Variants in PARD6G observed in about 807,000 individuals in gnomAD.
PARD6G encodes par-6 family cell polarity regulator gamma.
In PARD6G, 7 loss-of-function variants were observed where a neutral mutation model predicts 10.7. The observed-to-expected ratio is 0.66, with a 90% CI of 0.37 to 1.23. The LOEUF (loss-of-function observed/expected upper bound fraction) is 1.23. Among genes scored for constraint, PARD6G ranks in the 50% most tolerant of loss-of-function variants. PARD6G has a pLI of 0.02. For missense variants in PARD6G, 548 were observed against 571.8 expected (o/e 0.96, Z 0.42); for synonymous variants, 287 against 269.4 (o/e 1.07, Z -0.64).
intron 2 of PARD6G, among the ~76,000 whole-genome samples, chr18:80,176,894 C>T (rs1207515968): frequency 3.3e-5 from 5 of 151,826 alleles, no homozygotes; most frequent in African/African-American, 9.7e-5. Flanking sequence ...ATGGGAAGCA[C>T]GCACACACAC....
chr18:80,160,722 A>AC, intron 2 of PARD6G, 116 bp from the exon 3 acceptor site: 1 of 1,394,992 alleles, frequency 7.2e-7, no homozygotes, highest in Admixed American at 3.3e-5. Flanking sequence ...CCCAGGGTGC[A>AC]CAGGAGCATT....
rs144701192 is a variant in PARD6G at position 80,188,852 on chromosome 18, T to C, written c.295+13858A>G. ...TTGCGGGGAAGTCAGGCGGGTGCAATCCCTACCGTTTCCCCACGTTCGTGA... is the reference window on the plus strand; with the variant it reads ...TTGCGGGGAAGTCAGGCGGGTGCAACCCCTACCGTTTCCCCACGTTCGTGA... On this transcript the variant is annotated intron_variant, in intron 2 of 2. Coordinates refer to ENST00000353265, the MANE Select transcript of PARD6G (RefSeq NM_032510.4). This position sits in a 1 kb window ranked among gnomAD's most constrained non-coding sequence, Gnocchi z 5.4. Among the ~76,000 whole-genome samples, 1 of 152,150 alleles carries C rather than the reference T, an allele frequency of 6.6e-6. No individual in the cohort carries two copies. Among genetic ancestry groups the C allele is most frequent in the Non-Finnish European group, 1.5e-5 (1 of 68,000 alleles).
rs1340382847 is a variant in PARD6G at position 80,184,989 on chromosome 18, C to T, written c.295+17721G>A. 2 of 152,220 alleles carry T rather than the reference C, an allele frequency of 1.3e-5. No individual in the cohort carries two copies. Among genetic ancestry groups the T allele is most frequent in the African/African-American group, 2.4e-5 (1 of 41,458 alleles). 9.4% of individuals were successfully genotyped at this position (152,220 alleles called of 1,614,324 possible). ...TCCTTCCAGCTTTGCGGGAACCTAA[C>T]TGCTAGTCCCATGAACTTACCCTCC... On this transcript the variant is annotated intron_variant, in intron 2 of 2. Transcript: ENST00000353265. The surrounding 1 kb of genome is among the most constrained non-coding windows in gnomAD (Gnocchi z 4.5).
chr18:80,167,601 G>A (rs1433170863), intron 2 of PARD6G, among the ~76,000 whole-genome samples: 1 of 152,086 alleles, frequency 6.6e-6, no homozygotes, highest in Non-Finnish European at 1.5e-5. Context: ...AGAGGGTGGA[G>A]CTGGGGCCAT....
intron 1 of PARD6G, among the ~76,000 whole-genome samples, chr18:80,227,691 A>G (rs895807414): frequency 6.6e-6 from 1 of 152,244 alleles, no homozygotes; most frequent in African/African-American, 2.4e-5. Flanking sequence ...CAAGGCAGGC[A>G]CTGCGTCTGT....
At chr18:80,179,829 C>A (rs550787958) in intron 2 of PARD6G, among the ~76,000 whole-genome samples, 1 of 152,356 alleles carries the variant, frequency 6.6e-6, no homozygotes, top group East Asian at 1.9e-4. Context: ...TTATCAAAAG[C>A]AAATGGTTTG....
intron 1 of PARD6G, among the ~76,000 whole-genome samples, chr18:80,230,006 G>C (rs1319820717): frequency 6.6e-6 from 1 of 152,214 alleles, no homozygotes; most frequent in Non-Finnish European, 1.5e-5. Context: ...GTGGGTCATA[G>C]GGTCACAGTG....
At chr18:80,239,207 C>A (rs993070178) in intron 1 of PARD6G, among the ~76,000 whole-genome samples, 1 of 152,020 alleles carries the variant, frequency 6.6e-6, no homozygotes, top group Non-Finnish European at 1.5e-5. Context: ...AACATGGGAG[C>A]AGCAGGGAGA....
intron 2 of PARD6G, chr18:80,162,228 T>C (rs1340508865): frequency 6.6e-6 from 1 of 152,212 alleles, no homozygotes; most frequent in Non-Finnish European, 1.5e-5. Context: ...TATTACCCAC[T>C]GACACAGTAA....
rs138809256 is a variant in PARD6G, at chr18:80,200,476, G to A, written c.295+2234C>T. Among the ~76,000 whole-genome samples, 3 of 152,312 alleles carry A rather than the reference G, an allele frequency of 2.0e-5. No homozygotes were observed. Among genetic ancestry groups the A allele is most frequent in the African/African-American group, 7.2e-5 (3 of 41,572 alleles). On this transcript the variant is annotated intron_variant, in intron 2 of 2. Coordinates refer to ENST00000353265, the MANE Select transcript of PARD6G (RefSeq NM_032510.4). This position sits in a 1 kb window ranked among gnomAD's most constrained non-coding sequence, Gnocchi z 4.4. ...CCCAGAGACAGGCACTACCACCCGT[G>A]CCACAGATGAGGACGGTAGAGCTCT... is the stretch of plus-strand genomic sequence containing the variant.
In PARD6G at chr18:80,184,552, C is replaced by A. The variant is rs1398229770; in HGVS notation, c.295+18158G>T. On this transcript the variant is annotated intron_variant, in intron 2 of 2. Coordinates refer to ENST00000353265, the MANE Select transcript of PARD6G (RefSeq NM_032510.4). The surrounding 1 kb of genome is among the most constrained non-coding windows in gnomAD (Gnocchi z 4.5). ...CGCAGCGGGAGCAAGGCAGTGAAAC[C>A]CTCAGAGGGAGCAAGGCCGTGAAAC... 1 of 151,646 alleles carries A rather than the reference C, an allele frequency of 6.6e-6. No individual in the cohort carries two copies. The highest frequency in any genetic ancestry group is 2.4e-5 in the African/African-American group (1 of 40,970). The allele number at this position is 151,646 out of a possible 1,614,324, so 9.4% of individuals were successfully genotyped here. A position where few individuals can be genotyped will look rare whatever the true frequency, so the allele number is the denominator to read the frequency against.
chr18:80,245,110 C>T (rs1157503369), intron 1 of PARD6G, among the ~76,000 whole-genome samples: 1 of 152,204 alleles, frequency 6.6e-6, no homozygotes, highest in African/African-American at 2.4e-5. Flanking sequence ...GGCAGCACCC[C>T]TTCTTTGCCA....
chr18:80,215,088 A>G (rs1038933743), intron 1 of PARD6G, among the ~76,000 whole-genome samples: 1 of 152,126 alleles, frequency 6.6e-6, no homozygotes, highest in African/African-American at 2.4e-5. Flanking sequence ...AGTTTGGGGA[A>G]GGCAGTGGGG....
chr18:80,208,487 C>A (rs1318789013), intron 1 of PARD6G, among the ~76,000 whole-genome samples: 1 of 152,186 alleles, frequency 6.6e-6, no homozygotes, highest in Admixed American at 6.5e-5. Flanking sequence ...AGGACGGCTG[C>A]TTCAACATCT....
chr18:80,202,647 G>GA, intron 2 of PARD6G, 63 bp downstream of exon 2: 1 of 1,441,172 alleles, frequency 6.9e-7, no homozygotes, highest in Non-Finnish European at 9.7e-7. Flanking sequence ...AGAAAAAATT[G>GA]AAAACTGTAT....
chr18:80,232,599 T>G (rs1967372166), intron 1 of PARD6G, among the ~76,000 whole-genome samples: 1 of 152,082 alleles, frequency 6.6e-6, no homozygotes. Flanking sequence ...TGGGGGAAAC[T>G]GCCCCCATGA....
In PARD6G at chr18:80,159,753, T is replaced by C; in HGVS notation, c.*18A>G. 1 of 1,384,938 alleles carries C rather than the reference T, an allele frequency of 7.2e-7. No individual in the cohort carries two copies. Among genetic ancestry groups the C allele is most frequent in the Non-Finnish European group, 9.3e-7 (1 of 1,069,868 alleles). The allele number at this position is 1,384,938 out of a possible 1,614,324, so 85.8% of individuals were successfully genotyped here. On this transcript the variant is annotated 3_prime_UTR_variant, in exon 3 of 3. Transcript: ENST00000353265. ...TTACCGGGGAACTGGAGCTAGGATT[T>C]GGGGGCCTCTCGGGAGTCTAGAGCG...
In PARD6G at chr18:80,161,024, T is replaced by C. The variant is rs2052697498; in HGVS notation, c.296-418A>G. 6.6e-6 allele frequency among the ~76,000 whole-genome samples: 1 copy of C among 152,204 alleles called. No individual in the cohort carries two copies. The highest frequency in any genetic ancestry group is 1.5e-5 in the Non-Finnish European group (1 of 68,034). Reference sequence around the variant, plus strand: ...CAACTGTAAGACGGAGGCTCGTTTTTTTCTAAGGTTAATTACAACTAAGAG... The same window carrying C: ...CAACTGTAAGACGGAGGCTCGTTTTCTTCTAAGGTTAATTACAACTAAGAG... On this transcript the variant is annotated intron_variant, in intron 2 of 2. Coordinates refer to ENST00000353265, the MANE Select transcript of PARD6G (RefSeq NM_032510.4). This position sits in a 1 kb window ranked among gnomAD's most constrained non-coding sequence, Gnocchi z 4.6.
At chr18:80,187,940 A>G (rs766783993) in intron 2 of PARD6G, 1 of 152,250 alleles carries the variant, frequency 6.6e-6, no homozygotes, top group Non-Finnish European at 1.5e-5. Flanking sequence ...CTGTGATACA[A>G]TGGTGAGTAT....
Sources: allele counts gnomAD v4.1 joint callset (sites outside exome capture counted in the v4.1 genomes callset), GRCh38; gene constraint gnomAD v4.1.1; non-coding constraint Gnocchi (gnomAD v3.1); transcripts MANE v1.5; gene names NCBI Gene and HGNC (gene_info 2026-07-23, HGNC 2026-07-21).